Variants in SLC34A2 observed in about 807,000 individuals in gnomAD.
SLC34A2 encodes the protein sodium-dependent phosphate transport protein 2B.
Under a neutral mutation model 50.8 loss-of-function variants are expected in SLC34A2, and 41 were observed. The observed-to-expected ratio is 0.81, with a 90% CI of 0.63 to 1.05. The LOEUF (loss-of-function observed/expected upper bound fraction) is 1.05, where lower values mean the gene tolerates loss of function less well. SLC34A2 is among the 50% of genes least tolerant of loss of function. The pLI, the probability that SLC34A2 is intolerant of heterozygous loss-of-function variation, is 0.00. For synonymous variants in SLC34A2, 401 were observed against 364.2 expected (o/e 1.10, Z -1.15); for missense variants, 879 against 876.7 (o/e 1.00, Z -0.03).
At chr4:25,668,890 G>A (rs1174916145) in intron 6 of SLC34A2, among the ~76,000 whole-genome samples, 1 of 135,874 alleles carries the variant, frequency 7.4e-6, no homozygotes, top group Non-Finnish European at 1.6e-5. Context: ...CTTCTAGCTA[G>A]TTTTTTTTTT....
intron 10 of SLC34A2, among the ~76,000 whole-genome samples, chr4:25,673,608 C>T (rs1306802719): frequency 1.1e-4 from 17 of 152,246 alleles, no homozygotes; most frequent in African/African-American, 4.1e-4. Context: ...TCGCCCCCAC[C>T]TCCCTTCACT....
At chr4:25,661,914 C>T (rs1714208916) in intron 1 of SLC34A2, among the ~76,000 whole-genome samples, 1 of 151,370 alleles carries the variant, frequency 6.6e-6, no homozygotes, top group Non-Finnish European at 1.5e-5. Flanking sequence ...CTTTTGTCAC[C>T]CAGGCTGGAG....
In SLC34A2 at chr4:25,664,294, C is replaced by T. The variant is rs2109050175; in HGVS notation, c.343C>T (p.Leu115=). 1.2e-6 allele frequency: 2 copies of T among 1,613,938 alleles called. No homozygotes were observed. The highest frequency in any genetic ancestry group is 1.1e-5 in the South Asian group (1 of 91,064). ...LGFLYFFVCS[L]DILSSAFQLV... is the part of the protein sequence containing the mutation. ...ATTTCTCTACTTTTTCGTGTGCTCC[C>T]TGGATATTCTTAGTAGCGCCTTCCA... The change falls in exon 4 of 13, where the codon CTG becomes TTG. Residue 115 remains leucine, a synonymous_variant. Coordinates refer to ENST00000382051, the MANE Select transcript of SLC34A2 (RefSeq NM_006424.3).
At chr4:25,670,417 C>G (rs1714752202) in intron 7 of SLC34A2, among the ~76,000 whole-genome samples, 1 of 152,232 alleles carries the variant, frequency 6.6e-6, no homozygotes, top group South Asian at 2.1e-4. Flanking sequence ...CACTGCTGTC[C>G]TCAACACCAG....
chr4:25,658,638 G>A (rs1448783612), intron 1 of SLC34A2, among the ~76,000 whole-genome samples: 5 of 152,360 alleles, frequency 3.3e-5, no homozygotes, highest in African/African-American at 1.2e-4. Flanking sequence ...AGCCAAGAGG[G>A]TGAGGCACAC....
chr4:25,664,763 A>G (rs1714400567), intron 4 of SLC34A2: 1 of 284,662 alleles, frequency 3.5e-6, no homozygotes, highest in African/African-American at 2.1e-5. Flanking sequence ...ATCTGCATCC[A>G]TTGTACTTAC....
Position 25,676,168 on chromosome 4 carries a change from G to T in SLC34A2, c.1492G>T (p.Gly498Cys). The T allele has an allele frequency of 1.9e-6, 3 of 1,614,046 alleles. No individual in the cohort carries two copies. The highest frequency in any genetic ancestry group is 2.5e-6 in the Non-Finnish European group (3 of 1,180,026). The change falls in exon 13 of 13, where the codon GGC becomes TGC. Residue 498 changes from glycine to cysteine, a missense_variant. Coordinates refer to ENST00000382051, the MANE Select transcript of SLC34A2 (RefSeq NM_006424.3). Reference protein sequence around the residue: ...ALCHFFFNISGILLWYPIPFT... With the variant: ...ALCHFFFNISCILLWYPIPFT... ...GTGCCACTTTTTCTTCAACATCTCC[G>T]GCATCTTGCTGTGGTACCCGATCCC...
intron 9 of SLC34A2, among the ~76,000 whole-genome samples, chr4:25,671,951 A>G (rs897097622): frequency 1.3e-5 from 2 of 152,136 alleles, no homozygotes; most frequent in Non-Finnish European, 2.9e-5. Flanking sequence ...CTTGAAGTCC[A>G]TTTCCTTTGC....
intron 4 of SLC34A2, among the ~76,000 whole-genome samples, chr4:25,664,732 C>T (rs559092637): frequency 6.6e-6 from 1 of 151,908 alleles, no homozygotes; most frequent in African/African-American, 2.4e-5. Flanking sequence ...AAGGACAGGG[C>T]CCCTTCTCTG....
Position 25,676,908 on chromosome 4 carries a change from G to GT in SLC34A2, c.*160dup. The GT allele has an allele frequency of 1.2e-6, 1 of 869,140 alleles. No individual in the cohort carries two copies. The allele number at this position is 869,140 out of a possible 1,614,324, so 53.8% of individuals were successfully genotyped here. A position where few individuals can be genotyped will look rare whatever the true frequency, so the allele number is the denominator to read the frequency against. On this transcript the variant is annotated 3_prime_UTR_variant, in exon 13 of 13. Coordinates refer to ENST00000382051, the MANE Select transcript of SLC34A2 (RefSeq NM_006424.3). ...ACCTAACTCGATTCCCTTTGGCTTG[G>GT]TGGTAGGCCTGCAGGGCACTTTTAT...
rs1409723475 is a variant in SLC34A2 at position 25,673,181 on chromosome 4, C to A, written c.1143C>A (p.Ile381=). 1 of 1,614,130 alleles carries A rather than the reference C, an allele frequency of 6.2e-7. No homozygotes were observed. The highest frequency in any genetic ancestry group is 8.5e-7 in the Non-Finnish European group (1 of 1,180,020). The part of the protein sequence containing the change: ...LSLLVLCGCL[I]MIVKILGSVL... ...TGCTGGTCCTCTGTGGTTGCCTGAT[C>A]ATGATTGTCAAGATCCTGGGCTCTG... The change falls in exon 10 of 13, where the codon ATC becomes ATA. Residue 381 remains isoleucine (I), a synonymous_variant. Transcript: ENST00000382051.
chr4:25,674,979 G>C (rs1024962829), intron 12 of SLC34A2, among the ~76,000 whole-genome samples: 8 of 152,134 alleles, frequency 5.3e-5, no homozygotes, highest in African/African-American at 1.9e-4. Flanking sequence ...CCTTGGCATG[G>C]ACCATCTATG....
intron 3 of SLC34A2, among the ~76,000 whole-genome samples, chr4:25,663,708 T>A (rs1311401690): frequency 1.3e-5 from 2 of 152,090 alleles, no homozygotes; most frequent in African/African-American, 4.8e-5. Flanking sequence ...TAAACAGCAC[T>A]TAAGGATGTA....
chr4:25,666,158 G>A lies in SLC34A2; in HGVS notation c.410G>A (p.Ser137Asn). 1 of 1,613,934 alleles carries A rather than the reference G, an allele frequency of 6.2e-7. No individual in the cohort carries two copies. Among genetic ancestry groups the A allele is most frequent in the Non-Finnish European group, 8.5e-7 (1 of 1,180,044 alleles). ...GKMAGQFFSN[S>N]SIMSNPLLGL... ...ATGGCAGGACAGTTCTTCAGCAACA[G>A]CTCTATTATGTCCAACCCTTTGTTG... The change falls in exon 5 of 13, where the codon AGC (serine) becomes AAC (asparagine). Residue 137 changes from serine (S) to asparagine (N), a missense_variant. Physicochemically the swap from Ser to Asn is conservative, Grantham distance 46. Transcript: ENST00000382051.
At chr4:25,665,062 C>A (rs1301560758) in intron 4 of SLC34A2, 5 of 226,302 alleles carry the variant, frequency 2.2e-5, no homozygotes, top group Non-Finnish European at 4.4e-5. Flanking sequence ...ATTTCTGCAA[C>A]CCTTGGTGCC....
chr4:25,667,852 T>C, intron 5 of SLC34A2, 28 bp from the exon 6 acceptor site: 1 of 1,504,240 alleles, frequency 6.6e-7, no homozygotes, highest in Non-Finnish European at 9.3e-7. Flanking sequence ...CTTTCTAAGC[T>C]TGCTAATGGT....
chr4:25,670,223 A>T (rs1008227177), intron 7 of SLC34A2, among the ~76,000 whole-genome samples: 98 of 152,294 alleles, frequency 6.4e-4, no homozygotes, highest in African/African-American at 2.2e-3. Flanking sequence ...GACTGTTTTT[A>T]AAAAATAAAT....
rs537314617 is a variant in SLC34A2 at position 25,670,148 on chromosome 4, G to A, written c.831+306G>A. ...GAGAAAGGAGGATCGCTTGAACCCC[G>A]GGAGGTCAAGGCTGCAGTGAGCTGA... On this transcript the variant is annotated intron_variant, in intron 7 of 12. Coordinates refer to ENST00000382051, the MANE Select transcript of SLC34A2 (RefSeq NM_006424.3). Among the ~76,000 whole-genome samples, 28 of 152,318 alleles carry A rather than the reference G, an allele frequency of 1.8e-4. No homozygotes were observed. The East Asian group carries it at 2.9e-3, about 16-fold the overall frequency.
At chr4:25,671,951 AT>A (rs1273052129) in intron 9 of SLC34A2, among the ~76,000 whole-genome samples, 1 of 152,136 alleles carries the variant, frequency 6.6e-6, no homozygotes, top group Non-Finnish European at 1.5e-5. Flanking sequence ...CTTGAAGTCC[AT>A]TTCCTTTGCC....
Sources: allele counts gnomAD v4.1 joint callset (sites outside exome capture counted in the v4.1 genomes callset), GRCh38; gene constraint gnomAD v4.1.1; transcripts MANE v1.5; gene names NCBI Gene and HGNC (gene_info 2026-07-23, HGNC 2026-07-21).